Variants in LEPR observed in about 807,000 individuals in gnomAD.
The protein encoded by LEPR is leptin receptor.
LEPR carries 56 observed loss-of-function variants against 114.7 expected under a neutral mutation model. That is an observed-to-expected ratio of 0.49 (90% CI 0.39 to 0.61). The LOEUF (loss-of-function observed/expected upper bound fraction) is 0.61. LEPR is among the 20% of genes least tolerant of loss of function. The pLI is 0.00. For missense variants in LEPR, 1,202 were observed against 1,352.9 expected, an observed-to-expected ratio of 0.89 and a Z score of 1.75; for synonymous variants, 443 against 461.4, an observed-to-expected ratio of 0.96 and a Z score of 0.51.
rs1225898492 is a variant in LEPR, at chr1:65,519,010, TTTC to T, written c.-20-46534_-20-46532del. On this transcript the variant is annotated intron_variant, in intron 2 of 19. Transcript: ENST00000349533. ...TCCTTCCTTCCTTCTTTCTTCTTTC[TTTC>T]TCTTTCTTTCTCTTTCTTCTTTTCT... is the stretch of plus-strand genomic sequence containing the variant. Among the ~76,000 whole-genome samples the T allele has an allele frequency of 4.9e-3, 603 of 124,122 alleles. 10 individuals are homozygous for T. The highest frequency in any genetic ancestry group is 0.011 in the Admixed American group (128 of 12,084). 81.4% of individuals were successfully genotyped at this position (124,122 alleles called of 152,430 possible).
chr1:65,456,140 C>A (rs1465357547), intron 2 of LEPR, among the ~76,000 whole-genome samples: 1 of 152,152 alleles, frequency 6.6e-6, no homozygotes, highest in Admixed American at 6.5e-5. Flanking sequence ...CCAGCTTCGG[C>A]TCGTGCACGG....
intron 2 of LEPR, among the ~76,000 whole-genome samples, chr1:65,471,189 C>T (rs1193881637): frequency 6.6e-6 from 1 of 152,110 alleles, no homozygotes; most frequent in Admixed American, 6.5e-5. Flanking sequence ...GCAAGGAGAA[C>T]CAGACTTAAG....
intron 2 of LEPR, chr1:65,432,162 G>A (rs999621499): frequency 6.1e-6 from 7 of 1,150,148 alleles, no homozygotes; most frequent in South Asian, 2.7e-5. Context: ...ATGTAGTCAC[G>A]GTGCTCTCAG....
At chr1:65,486,154 A>G (rs1216918678) in intron 2 of LEPR, among the ~76,000 whole-genome samples, 1 of 152,140 alleles carries the variant, frequency 6.6e-6, no homozygotes, top group Non-Finnish European at 1.5e-5. Context: ...TCTTTATGCA[A>G]CTTTCATTCT....
At chr1:65,494,203 G>A (rs755296708) in intron 2 of LEPR, 2 of 152,118 alleles carry the variant, frequency 1.3e-5, no homozygotes, top group Admixed American at 1.3e-4. Flanking sequence ...TGTTTGAAGT[G>A]GTTGATATGA....
At chr1:65,620,175 TA>T (rs1657787793) in intron 17 of LEPR, 152 bp downstream of exon 17, 3 of 657,840 alleles carry the variant, frequency 4.6e-6, no homozygotes, top group Non-Finnish European at 5.2e-6. Flanking sequence ...CCAAAGGAAA[TA>T]TTTTTTTCCT....
At chr1:65,613,777 A>AAG (rs1657352046) in intron 14 of LEPR, among the ~76,000 whole-genome samples, 1 of 150,184 alleles carries the variant, frequency 6.7e-6, no homozygotes, top group African/African-American at 2.5e-5. Flanking sequence ...AAAAAAAAAA[A>AAG]AAAAACCAAG....
chr1:65,547,085 T>C (rs1160359332), intron 2 of LEPR, among the ~76,000 whole-genome samples: 7 of 152,096 alleles, frequency 4.6e-5, no homozygotes, highest in Admixed American at 2.0e-4. Context: ...TTGTCTTTGG[T>C]TCTGTTTATA....
intron 2 of LEPR, among the ~76,000 whole-genome samples, chr1:65,482,556 G>A (rs918300195): frequency 3.3e-5 from 5 of 152,192 alleles, no homozygotes; most frequent in African/African-American, 4.8e-5. Context: ...TGTGACAGAG[G>A]TGGCATTGCT....
intron 2 of LEPR, among the ~76,000 whole-genome samples, chr1:65,459,110 A>C (rs2100364949): frequency 6.6e-6 from 1 of 152,312 alleles, no homozygotes; most frequent in Admixed American, 6.5e-5. Context: ...TCTGTCTCCC[A>C]AAGTGTAGAA....
rs1557700657 is a variant in LEPR at position 65,620,013 on chromosome 1, T to C, written c.2481T>C (p.Ser827=). ...TGGGAAAACCAAAGATAATTAATAG[T>C]TTCACTCAAGGTAAAAATTATAATT... is the stretch of plus-strand genomic sequence containing the variant. ...EGVGKPKIIN[S]FTQDDIEKHQ... is the part of the protein sequence containing the mutation. Residue 827 remains serine (S), a synonymous_variant, in exon 17 of 20, where the codon AGT becomes AGC. Coordinates refer to ENST00000349533, the MANE Select transcript of LEPR (RefSeq NM_002303.6). 1 of 1,609,594 alleles carries C rather than the reference T, an allele frequency of 6.2e-7. No individual in the cohort carries two copies. The highest frequency in any genetic ancestry group is 1.3e-5 in the African/African-American group (1 of 74,924).
At position 65,636,492 on chromosome 1, in the gene LEPR, A is replaced by C. The variant is rs1428722521; in HGVS notation, c.2975A>C (p.Asn992Thr). Residue 992 changes from asparagine to threonine, a missense_variant, in exon 20 of 20, where the codon AAC becomes ACC. Coordinates refer to ENST00000349533, the MANE Select transcript of LEPR (RefSeq NM_002303.6). The stretch of plus-strand genomic sequence containing the variant: ...GTTAAATACGCCACGCTGATCAGCA[A>C]CTCTAAACCAAGTGAAACTGGTGAA... ...PFVKYATLIS[N>T]SKPSETGEEQ... 4 of 1,613,952 alleles carry C rather than the reference A, an allele frequency of 2.5e-6. No homozygotes were observed. The highest frequency in any genetic ancestry group is 2.5e-6 in the Non-Finnish European group (3 of 1,179,990).
chr1:65,452,803 T>G (rs1646805948), intron 2 of LEPR, among the ~76,000 whole-genome samples: 2 of 152,186 alleles, frequency 1.3e-5, no homozygotes, highest in South Asian at 4.1e-4. Context: ...TAAAATGAGT[T>G]AGGGAGGATT....
chr1:65,566,247 G>GACTGGAGT (rs1653751257), intron 3 of LEPR, among the ~76,000 whole-genome samples: 1 of 135,704 alleles, frequency 7.4e-6, no homozygotes, highest in East Asian at 2.4e-4. Flanking sequence ...TCTGCCGCCA[G>GACTGGAGT]ACTGGAGTGC....
At chr1:65,597,627 G>T (rs1483873786) in intron 7 of LEPR, among the ~76,000 whole-genome samples, 2 of 152,110 alleles carry the variant, frequency 1.3e-5, no homozygotes, top group Non-Finnish European at 2.9e-5. Context: ...AGCAGTAGTG[G>T]TTGAATTCAG....
At chr1:65,425,032 C>T (rs1646331941) in intron 1 of LEPR, among the ~76,000 whole-genome samples, 1 of 152,036 alleles carries the variant, frequency 6.6e-6, no homozygotes, top group Non-Finnish European at 1.5e-5. Context: ...GAATTTGGGA[C>T]CTTTTTTTCT....
intron 2 of LEPR, among the ~76,000 whole-genome samples, chr1:65,498,592 T>C (rs1250265962): frequency 6.6e-6 from 1 of 152,118 alleles, no homozygotes; most frequent in Non-Finnish European, 1.5e-5. Context: ...CTAGCTCTTT[T>C]GCCATGGCAA....
At chr1:65,605,523 A>G (rs1656751378) in intron 11 of LEPR, among the ~76,000 whole-genome samples, 1 of 152,194 alleles carries the variant, frequency 6.6e-6, no homozygotes, top group African/African-American at 2.4e-5. Context: ...GTTTTTCTAA[A>G]TAAGGCATTA....
intron 2 of LEPR, chr1:65,432,512 T>C (rs1470971506): frequency 1.5e-6 from 1 of 688,702 alleles, no homozygotes; most frequent in African/African-American, 2.0e-5. Context: ...AACTTCCTTA[T>C]CTTTCCAGTG....
Sources: allele counts gnomAD v4.1 joint callset (sites outside exome capture counted in the v4.1 genomes callset), GRCh38; gene constraint gnomAD v4.1.1; transcripts MANE v1.5; gene names NCBI Gene and HGNC (gene_info 2026-07-23, HGNC 2026-07-21).